The following SGMS1 variants were observed in gnomAD, a reference collection of about 807,000 sequenced individuals.
The protein encoded by SGMS1 is sphingomyelin synthase 1.
Under a neutral mutation model 46.2 loss-of-function variants are expected in SGMS1, and 13 were observed. The observed-to-expected ratio is 0.28, with a 90% CI of 0.18 to 0.45. SGMS1 has a LOEUF of 0.45. Ranked by LOEUF, SGMS1 falls within the 20% of genes least tolerant of loss-of-function variation. The pLI is 1.00. For synonymous variants in SGMS1, 203 were observed against 187.8 expected, an observed-to-expected ratio of 1.08 and a Z score of -0.66; for missense variants, 324 against 519.9, an observed-to-expected ratio of 0.62 and a Z score of 3.66.
At chr10:50,541,209 T>C (rs1385867402) in intron 2 of SGMS1, among the ~76,000 whole-genome samples, 4 of 152,318 alleles carry the variant, frequency 2.6e-5, no homozygotes, top group Middle Eastern at 3.4e-3. Flanking sequence ...CGATTCTAGT[T>C]AAGTTTTATA....
chr10:50,610,807 C>T lies in SGMS1; in HGVS notation c.-684+12900G>A, dbSNP rs141329993. Among the ~76,000 whole-genome samples, 735 of 152,286 alleles carry T rather than the reference C, an allele frequency of 4.8e-3. 8 individuals carry two copies. Among genetic ancestry groups the T allele is most frequent in the African/African-American group, 0.017 (707 of 41,558 alleles). On this transcript the variant is annotated intron_variant, in intron 1 of 10. Coordinates refer to ENST00000361781, the MANE Select transcript of SGMS1 (RefSeq NM_147156.4). ...TGATTATTGTCGGTCTGACCCTTAC[C>T]AAGAAAACTCCATACGAGCTGAGAC... is the stretch of plus-strand genomic sequence containing the variant.
intron 2 of SGMS1, among the ~76,000 whole-genome samples, chr10:50,543,807 T>G (rs563160842): frequency 6.6e-6 from 1 of 152,350 alleles, no homozygotes. Flanking sequence ...AAAAGATTTT[T>G]TTTTACTTGG....
intron 8 of SGMS1, among the ~76,000 whole-genome samples, chr10:50,316,629 A>C (rs1847342617): frequency 6.6e-6 from 1 of 152,136 alleles, no homozygotes; most frequent in Admixed American, 6.5e-5. Flanking sequence ...CCCTCCTATT[A>C]AGGTAAATTA....
At chr10:50,377,578 C>T (rs1397460367) in intron 6 of SGMS1, among the ~76,000 whole-genome samples, 3 of 152,144 alleles carry the variant, frequency 2.0e-5, no homozygotes, top group Non-Finnish European at 4.4e-5. Context: ...TACTTCTCAG[C>T]TAATGAGATT....
At chr10:50,356,181 A>G (rs1414897368) in intron 6 of SGMS1, among the ~76,000 whole-genome samples, 1 of 152,244 alleles carries the variant, frequency 6.6e-6, no homozygotes, top group African/African-American at 2.4e-5. Context: ...AAAGAAGTAG[A>G]CATAGGAGAC....
At chr10:50,496,924 C>G (rs1326875945) in intron 3 of SGMS1, among the ~76,000 whole-genome samples, 1 of 152,206 alleles carries the variant, frequency 6.6e-6, no homozygotes, top group Non-Finnish European at 1.5e-5. Context: ...ACTAATGTCA[C>G]TACCAACATC....
chr10:50,378,265 T>C (rs1234709907), intron 6 of SGMS1, among the ~76,000 whole-genome samples: 6 of 152,188 alleles, frequency 3.9e-5, no homozygotes, highest in Non-Finnish European at 8.8e-5. Context: ...ATTCCTTCTT[T>C]ACGGCAGAGC....
intron 6 of SGMS1, among the ~76,000 whole-genome samples, chr10:50,423,784 A>G (rs942478116): frequency 1.3e-5 from 2 of 152,252 alleles, no homozygotes; most frequent in East Asian, 3.8e-4. Context: ...TTATATGTCA[A>G]TGAAATATAA....
At chr10:50,326,717 A>T (rs1054986331) in intron 8 of SGMS1, among the ~76,000 whole-genome samples, 3 of 152,188 alleles carry the variant, frequency 2.0e-5, no homozygotes, top group African/African-American at 7.2e-5. Flanking sequence ...CTTCTTTGTT[A>T]CTAGAGAAAA....
intron 1 of SGMS1, among the ~76,000 whole-genome samples, chr10:50,617,566 ACT>A (rs1170139723): frequency 6.6e-6 from 1 of 151,802 alleles, no homozygotes; most frequent in African/African-American, 2.4e-5. Context: ...ATAAGTTACA[ACT>A]CTTATTTTTA....
chr10:50,575,633 G>A (rs191754246), intron 2 of SGMS1, among the ~76,000 whole-genome samples: 2 of 152,068 alleles, frequency 1.3e-5, no homozygotes, highest in Non-Finnish European at 2.9e-5. Context: ...AAAGGACACA[G>A]GAAACTTTTG....
At chr10:50,316,631 G>A (rs928128355) in intron 8 of SGMS1, among the ~76,000 whole-genome samples, 1 of 152,082 alleles carries the variant, frequency 6.6e-6, no homozygotes, top group Admixed American at 6.6e-5. Context: ...CTCCTATTAA[G>A]GTAAATTATT....
chr10:50,394,118 A>G (rs1053678202), intron 6 of SGMS1, among the ~76,000 whole-genome samples: 5 of 152,100 alleles, frequency 3.3e-5, no homozygotes, highest in Non-Finnish European at 5.9e-5. Flanking sequence ...GAGTTTTAAG[A>G]GAAGTTTTCT....
chr10:50,452,275 G>A (rs1837119872), intron 5 of SGMS1, among the ~76,000 whole-genome samples: 1 of 152,024 alleles, frequency 6.6e-6, no homozygotes, highest in Non-Finnish European at 1.5e-5. Context: ...ATTACAAGGG[G>A]TTATTCTCCA....
upstream of SGMS1, chr10:50,624,009 G>C: frequency 1.0e-6 from 1 of 985,476 alleles, no homozygotes; most frequent in Non-Finnish European, 1.2e-6. Context: ...CGCGCGACGC[G>C]ACTCCGCTCC....
At chr10:50,596,026 T>A (rs1035456799) in intron 1 of SGMS1, among the ~76,000 whole-genome samples, 1 of 152,198 alleles carries the variant, frequency 6.6e-6, no homozygotes, top group Non-Finnish European at 1.5e-5. Flanking sequence ...TGCTTGGCAA[T>A]GGCAAGATTA....
chr10:50,428,062 G>GA (rs1233906990), intron 6 of SGMS1, among the ~76,000 whole-genome samples: 4 of 151,798 alleles, frequency 2.6e-5, no homozygotes, highest in Non-Finnish European at 5.9e-5. Context: ...CCTAAAGGGA[G>GA]AAAAAAGAGT....
At chr10:50,360,844 A>G (rs2133413815) in intron 6 of SGMS1, among the ~76,000 whole-genome samples, 2 of 152,324 alleles carry the variant, frequency 1.3e-5, no homozygotes, top group Admixed American at 1.3e-4. Context: ...TTTGCTCCTC[A>G]TTTAGCTAGA....
intron 5 of SGMS1, among the ~76,000 whole-genome samples, chr10:50,438,614 T>C (rs1008063933): frequency 6.6e-6 from 1 of 152,232 alleles, no homozygotes; most frequent in Admixed American, 6.5e-5. Context: ...TGTGATTGAT[T>C]AAGCTGCTAA....
Sources: allele counts gnomAD v4.1 joint callset (sites outside exome capture counted in the v4.1 genomes callset), GRCh38; gene constraint gnomAD v4.1.1; transcripts MANE v1.5; gene names NCBI Gene and HGNC (gene_info 2026-07-23, HGNC 2026-07-21).